KCNC2: variants seen among roughly 807,000 people sequenced by gnomAD.
KCNC2 encodes the protein voltage-gated potassium channel KCNC2.
Under a neutral mutation model 44.5 loss-of-function variants are expected in KCNC2, and 21 were observed. The ratio of observed to expected loss-of-function variants is 0.47; its 90% CI spans 0.33 to 0.68. The LOEUF (loss-of-function observed/expected upper bound fraction) is 0.68. KCNC2 is among the 30% of genes least tolerant of loss of function. KCNC2 has a pLI of 0.01. For missense variants in KCNC2, 589 were observed against 826.2 expected (o/e 0.71, Z 3.52); for synonymous variants, 391 against 339.1 (o/e 1.15, Z -1.68).
chr12:75,082,842 A>G (rs905123462), intron 2 of KCNC2, among the ~76,000 whole-genome samples: 1 of 151,812 alleles, frequency 6.6e-6, no homozygotes, highest in African/African-American at 2.4e-5. Flanking sequence ...TCATTTTTGC[A>G]TCTAGAGATG....
chr12:75,121,676 G>C (rs1392843469), intron 2 of KCNC2, among the ~76,000 whole-genome samples: 2 of 152,184 alleles, frequency 1.3e-5, no homozygotes, highest in Non-Finnish European at 2.9e-5. Context: ...TGCAGAGAGA[G>C]CTAAGTCCTG....
At chr12:75,101,188 T>A (rs1340547216) in intron 2 of KCNC2, among the ~76,000 whole-genome samples, 1 of 152,098 alleles carries the variant, frequency 6.6e-6, no homozygotes, top group African/African-American at 2.4e-5. Context: ...AGGAGATTTA[T>A]AACCCAGGTT....
chr12:75,091,014 G>A (rs978211590), intron 2 of KCNC2, among the ~76,000 whole-genome samples: 5 of 151,690 alleles, frequency 3.3e-5, no homozygotes, highest in Non-Finnish European at 7.4e-5. Context: ...GCTACTGAGT[G>A]GCTGTTGCAT....
chr12:75,128,721 G>A (rs1308580982), intron 2 of KCNC2, among the ~76,000 whole-genome samples: 2 of 152,110 alleles, frequency 1.3e-5, no homozygotes, highest in African/African-American at 4.8e-5. Context: ...AAAAAAAAAG[G>A]TTAAGCTTTA....
At chr12:75,055,796 T>A (rs571370911) in intron 2 of KCNC2, among the ~76,000 whole-genome samples, 2 of 152,010 alleles carry the variant, frequency 1.3e-5, no homozygotes, top group African/African-American at 4.8e-5. Flanking sequence ...CCATGGAGGG[T>A]CTCATGTCAA....
chr12:75,062,886 A>G (rs750581776), intron 2 of KCNC2, among the ~76,000 whole-genome samples: 1 of 152,098 alleles, frequency 6.6e-6, no homozygotes, highest in African/African-American at 2.4e-5. Context: ...GAATCTTAAA[A>G]ATGCAGTTAG....
rs759029344 is a variant in KCNC2 at position 75,048,303 on chromosome 12, C to T, written c.1630G>A (p.Asp544Asn). Reference sequence around the variant, plus strand: ...AGTGGCGGCTCACTTCCTGTACTGTCGTCACCTGATAACACTGGTCACAGC... The same window carrying T: ...AGTGGCGGCTCACTTCCTGTACTGTTGTCACCTGATAACACTGGTCACAGC... ...EHNRSVLSGD[D>N]STGSEPPLSP... Residue 544 changes from aspartate (D) to asparagine (N), a missense_variant, in exon 4 of 5, where the codon GAC becomes AAC. Asp to Asn is a conservative substitution (Grantham distance 23). Coordinates refer to ENST00000549446, the MANE Select transcript of KCNC2 (RefSeq NM_139137.4). 7.4e-6 allele frequency: 12 copies of T among 1,611,162 alleles called. No individual in the cohort carries two copies. Among genetic ancestry groups the T allele is most frequent in the East Asian group, 2.2e-5 (1 of 44,788 alleles).
At chr12:75,081,718 T>C (rs1478044879) in intron 2 of KCNC2, among the ~76,000 whole-genome samples, 9 of 151,994 alleles carry the variant, frequency 5.9e-5, no homozygotes, top group African/African-American at 2.2e-4. Context: ...AAGAAAAATA[T>C]ACTAACTTTT....
At chr12:75,106,702 T>C (rs370025700) in intron 2 of KCNC2, among the ~76,000 whole-genome samples, 1 of 152,344 alleles carries the variant, frequency 6.6e-6, no homozygotes, top group East Asian at 1.9e-4. Flanking sequence ...CTCTTATTAA[T>C]AGAGCATCAA....
intron 2 of KCNC2, among the ~76,000 whole-genome samples, chr12:75,175,876 A>G (rs1262470726): frequency 6.6e-6 from 1 of 152,136 alleles, no homozygotes; most frequent in African/African-American, 2.4e-5. Flanking sequence ...TGGGATGTCC[A>G]GTTAAATCTG....
At chr12:75,196,539 A>G (rs1467877689) in intron 2 of KCNC2, among the ~76,000 whole-genome samples, 2 of 152,140 alleles carry the variant, frequency 1.3e-5, no homozygotes. Flanking sequence ...GATTCTTAAC[A>G]TAAATGTGCT....
At chr12:75,165,663 A>G (rs1182857956) in intron 2 of KCNC2, among the ~76,000 whole-genome samples, 1 of 151,518 alleles carries the variant, frequency 6.6e-6, no homozygotes, top group Admixed American at 6.6e-5. Flanking sequence ...GTCCATCAAA[A>G]TTACATACTA....
In KCNC2 at chr12:75,207,221, G is replaced by C; in HGVS notation, c.687+76C>G. ...TACCCCCCATGCCTGAGGCCCTGGG[G>C]TGGAAAAGAACAGAAAGTTGGGGAG... On this transcript the variant is annotated intron_variant, in intron 2 of 4. Transcript: ENST00000549446. This position sits in a 1 kb window ranked among gnomAD's most constrained non-coding sequence, Gnocchi z 4.1. 2 of 1,493,354 alleles carry C rather than the reference G, an allele frequency of 1.3e-6. No homozygotes were observed. Among genetic ancestry groups the C allele is most frequent in the Non-Finnish European group, 1.8e-6 (2 of 1,123,054 alleles). 92.5% of individuals were successfully genotyped at this position (1,493,354 alleles called of 1,614,324 possible). A position where few individuals can be genotyped will look rare whatever the true frequency, so the allele number is the denominator to read the frequency against.
At chr12:75,086,386 A>G (rs1884995990) in intron 2 of KCNC2, among the ~76,000 whole-genome samples, 1 of 152,106 alleles carries the variant, frequency 6.6e-6, no homozygotes, top group Admixed American at 6.6e-5. Context: ...CATGCATAAC[A>G]AAAGAATTAT....
chr12:75,135,619 A>T (rs913560953), intron 2 of KCNC2, among the ~76,000 whole-genome samples: 1 of 152,012 alleles, frequency 6.6e-6, no homozygotes, highest in Non-Finnish European at 1.5e-5. Flanking sequence ...TTTTAGTGAA[A>T]GCTTATTATT....
chr12:75,146,842 C>A (rs1430011587), intron 2 of KCNC2, among the ~76,000 whole-genome samples: 1 of 152,064 alleles, frequency 6.6e-6, no homozygotes, highest in Non-Finnish European at 1.5e-5. Flanking sequence ...ATAATGTAAC[C>A]ATTGATTGGT....
At chr12:75,169,325 A>C (rs1891660724) in intron 2 of KCNC2, among the ~76,000 whole-genome samples, 1 of 151,592 alleles carries the variant, frequency 6.6e-6, no homozygotes, top group African/African-American at 2.4e-5. Context: ...AAATTACAGC[A>C]ATTCTGAAAC....
chr12:75,053,638 A>T (rs996257959), intron 2 of KCNC2, among the ~76,000 whole-genome samples: 1 of 151,444 alleles, frequency 6.6e-6, no homozygotes, highest in Non-Finnish European at 1.5e-5. Context: ...ATAATTCTGT[A>T]TATCTTTAGC....
At chr12:75,135,971 A>C (rs2926150) in intron 2 of KCNC2, among the ~76,000 whole-genome samples, 17,395 of 151,682 alleles carry the variant, frequency 0.11, 1,149 homozygotes, top group African/African-American at 0.16. Context: ...ACACTTACCA[A>C]CTCCTTTTCT....
Sources: allele counts gnomAD v4.1 joint callset (sites outside exome capture counted in the v4.1 genomes callset), GRCh38; gene constraint gnomAD v4.1.1; non-coding constraint Gnocchi (gnomAD v3.1); transcripts MANE v1.5; gene names NCBI Gene and HGNC (gene_info 2026-07-23, HGNC 2026-07-21).